ZBTB20: variants seen among roughly 807,000 people sequenced by gnomAD.
The protein encoded by ZBTB20 is zinc finger and BTB domain-containing protein 20.
A neutral mutation model predicts 56.9 loss-of-function variants in ZBTB20; 9 were observed. The ratio of observed to expected loss-of-function variants is 0.16; its 90% CI spans 0.10 to 0.28. ZBTB20 has a LOEUF of 0.28. ZBTB20 is among the 10% of genes least tolerant of loss of function. The pLI is 1.00. For synonymous variants in ZBTB20, 417 were observed against 420.7 expected (o/e 0.99, Z 0.11); for missense variants, 655 against 1,003.0 (o/e 0.65, Z 4.69).
chr3:114,544,447 TTCTTTC>T (rs1444332865), intron 6 of ZBTB20, among the ~76,000 whole-genome samples: 2 of 114,030 alleles, frequency 1.8e-5, no homozygotes, highest in African/African-American at 3.6e-5. Context: ...CTTTCTTTCT[TTCTTTC>T]TTTCTTTCTT....
At chr3:114,414,550 A>C (rs1044588514) in intron 7 of ZBTB20, among the ~76,000 whole-genome samples, 2 of 152,064 alleles carry the variant, frequency 1.3e-5, no homozygotes, top group Non-Finnish European at 2.9e-5. Flanking sequence ...CTGTGATAAC[A>C]TATCTTAGGA....
At chr3:114,746,338 C>T (rs1328742051) in intron 5 of ZBTB20, among the ~76,000 whole-genome samples, 2 of 151,908 alleles carry the variant, frequency 1.3e-5, no homozygotes, top group Non-Finnish European at 2.9e-5. Context: ...CCCCCATTCC[C>T]CTTTTTCTAC....
chr3:114,484,113 T>A (rs1022937417), intron 7 of ZBTB20, among the ~76,000 whole-genome samples: 4 of 152,152 alleles, frequency 2.6e-5, no homozygotes, highest in African/African-American at 9.7e-5. Context: ...GAGGCCAAAG[T>A]TACCAGAAAC....
At chr3:114,559,197 C>T (rs78788556) in intron 6 of ZBTB20, among the ~76,000 whole-genome samples, 1 of 151,992 alleles carries the variant, frequency 6.6e-6, no homozygotes, top group East Asian at 1.9e-4. Context: ...AAATTAATGA[C>T]CAAACAGTAA....
chr3:115,139,219 G>C (rs1429032539), intron 1 of ZBTB20, among the ~76,000 whole-genome samples: 1 of 151,994 alleles, frequency 6.6e-6, no homozygotes, highest in Non-Finnish European at 1.5e-5. Flanking sequence ...AGAGGATTCA[G>C]GATAGTATAG....
intron 6 of ZBTB20, among the ~76,000 whole-genome samples, chr3:114,585,918 T>A (rs777585340): frequency 2.0e-5 from 3 of 152,228 alleles, no homozygotes; most frequent in Non-Finnish European, 4.4e-5. Flanking sequence ...ATGCTTTAGC[T>A]CGGAGGAAGG....
At chr3:114,551,130 C>T (rs374047698) in intron 6 of ZBTB20, among the ~76,000 whole-genome samples, 129 of 152,172 alleles carry the variant, frequency 8.5e-4, no homozygotes, top group African/African-American at 2.9e-3. Flanking sequence ...AAAATTATTT[C>T]GATTGTCTTT....
At chr3:114,989,108 A>C (rs1393617872) in intron 2 of ZBTB20, among the ~76,000 whole-genome samples, 2 of 152,134 alleles carry the variant, frequency 1.3e-5, no homozygotes, top group African/African-American at 4.8e-5. Context: ...TAGTTTAATT[A>C]GATCCCATTT....
intron 5 of ZBTB20, among the ~76,000 whole-genome samples, chr3:114,755,577 A>G (rs1369626224): frequency 1.3e-5 from 2 of 152,296 alleles, no homozygotes; most frequent in South Asian, 2.1e-4. Context: ...ATTTATTTAC[A>G]TGAAATTTTT....
intron 4 of ZBTB20, among the ~76,000 whole-genome samples, chr3:114,846,632 G>C (rs1039244517): frequency 6.6e-6 from 1 of 152,220 alleles, no homozygotes; most frequent in African/African-American, 2.4e-5. Context: ...CAGGAGACTA[G>C]TAGAGAATAC....
chr3:114,622,012 T>A (rs1427289917), intron 6 of ZBTB20, among the ~76,000 whole-genome samples: 1 of 152,208 alleles, frequency 6.6e-6, no homozygotes, highest in Non-Finnish European at 1.5e-5. Context: ...AAATGTCATG[T>A]CTTGGGAATA....
chr3:115,042,883 C>T (rs988897737), intron 2 of ZBTB20, among the ~76,000 whole-genome samples: 2 of 152,116 alleles, frequency 1.3e-5, no homozygotes, highest in Non-Finnish European at 2.9e-5. Context: ...TGATCATACC[C>T]CATTTTTTGT....
chr3:114,878,334 C>T (rs2076272298), intron 4 of ZBTB20, among the ~76,000 whole-genome samples: 1 of 152,120 alleles, frequency 6.6e-6, no homozygotes, highest in Non-Finnish European at 1.5e-5. Flanking sequence ...AATGCATACA[C>T]TTACCCTTAA....
intron 10 of ZBTB20, among the ~76,000 whole-genome samples, chr3:114,361,536 A>G (rs1012135034): frequency 6.6e-6 from 1 of 152,194 alleles, no homozygotes; most frequent in Non-Finnish European, 1.5e-5. Flanking sequence ...TGTATACTTT[A>G]TAGGCTCCTT....
intron 7 of ZBTB20, among the ~76,000 whole-genome samples, chr3:114,394,288 T>G (rs1381497952): frequency 1.3e-5 from 2 of 152,170 alleles, no homozygotes; most frequent in Non-Finnish European, 2.9e-5. Context: ...AGCTACTGGA[T>G]AGTGAGGCCA....
intron 2 of ZBTB20, among the ~76,000 whole-genome samples, chr3:115,032,870 G>C (rs1356048963): frequency 6.7e-6 from 1 of 149,514 alleles, no homozygotes. Context: ...CAAAAGGAGT[G>C]CTAAGGGGAA....
At chr3:114,567,007 G>A (rs769162323) in intron 6 of ZBTB20, among the ~76,000 whole-genome samples, 56 of 152,130 alleles carry the variant, frequency 3.7e-4, no homozygotes, top group Non-Finnish European at 7.3e-4. Context: ...TTATGTCTGT[G>A]CTTTTGCCTG....
At chr3:114,508,799 T>C (rs1257491013) in intron 6 of ZBTB20, among the ~76,000 whole-genome samples, 2 of 152,186 alleles carry the variant, frequency 1.3e-5, no homozygotes, top group Admixed American at 1.3e-4. Flanking sequence ...GCTATGCCAA[T>C]TTCTTCATAG....
chr3:114,619,858 T>C (rs888862458), intron 6 of ZBTB20, among the ~76,000 whole-genome samples: 3 of 152,224 alleles, frequency 2.0e-5, no homozygotes, highest in African/African-American at 7.2e-5. Context: ...TTGTGCTGTA[T>C]GTCTGCCCCG....
Sources: allele counts gnomAD v4.1 joint callset (sites outside exome capture counted in the v4.1 genomes callset), GRCh38; gene constraint gnomAD v4.1.1; transcripts MANE v1.5; gene names NCBI Gene and HGNC (gene_info 2026-07-23, HGNC 2026-07-21).